The following CTCF variants were observed in gnomAD, a reference collection of about 807,000 sequenced individuals.
CTCF encodes transcriptional repressor CTCF.
A neutral mutation model predicts 72.3 loss-of-function variants in CTCF; 7 were observed. The ratio of observed to expected loss-of-function variants is 0.10; its 90% CI spans 0.06 to 0.18. The LOEUF (loss-of-function observed/expected upper bound fraction) is 0.18. Ranked by LOEUF, CTCF falls within the 10% of genes least tolerant of loss-of-function variation. CTCF has a pLI of 1.00. For missense variants in CTCF, 516 were observed against 949.1 expected (o/e 0.54, Z 6.00); for synonymous variants, 374 against 315.8 (o/e 1.18, Z -1.95).
intron 8 of CTCF, chr16:67,627,639 A>T (rs1422052701): frequency 6.6e-6 from 1 of 151,074 alleles, no homozygotes; most frequent in Non-Finnish European, 1.5e-5. Context: ...TCTCTACTAA[A>T]AAAAAAAAAC....
At chr16:67,623,551 C>T (rs2052233160) in intron 7 of CTCF, 1 of 151,806 alleles carries the variant, frequency 6.6e-6, no homozygotes, top group South Asian at 2.1e-4. Flanking sequence ...GGGAGGATCA[C>T]TTGAGCTTAA....
rs184559737 is a variant in CTCF at position 67,607,736 on chromosome 16, G to A, written c.-9-3088G>A. 5.1e-3 allele frequency among the ~76,000 whole-genome samples: 777 copies of A among 151,984 alleles called. 7 individuals carry two copies. Among genetic ancestry groups the A allele is most frequent in the Non-Finnish European group, 4.7e-3 (317 of 67,954 alleles). On this transcript the variant is annotated intron_variant, in intron 2 of 11. Transcript: ENST00000264010. ...GGCACAGTGCTAAAGAGTAAAAACC[G>A]TGGCTGGGCGTGGTGGCTCACGCCT...
intron 11 of CTCF, 27 bp from the exon 12 acceptor site, chr16:67,637,661 T>G: frequency 6.3e-7 from 1 of 1,590,856 alleles, no homozygotes; most frequent in Non-Finnish European, 8.6e-7. Context: ...ATGGACCATT[T>G]GTTCTGTCTG....
chr16:67,584,065 C>CAGCCTCACTGTGTGT (rs2051626978), intron 2 of CTCF, among the ~76,000 whole-genome samples: 1 of 152,026 alleles, frequency 6.6e-6, no homozygotes, highest in African/African-American at 2.4e-5. Context: ...TCACTGTGTG[C>CAGCCTCACTGTGTGT]AGTCGTTTAA....
intron 2 of CTCF, among the ~76,000 whole-genome samples, chr16:67,601,165 T>C (rs2051880855): frequency 6.6e-6 from 1 of 151,766 alleles, no homozygotes; most frequent in African/African-American, 2.4e-5. Context: ...ACTCCCATCG[T>C]CTGGAAAGAA....
chr16:67,621,840 G>A (rs1221149761), intron 7 of CTCF, among the ~76,000 whole-genome samples: 1 of 147,264 alleles, frequency 6.8e-6, no homozygotes, highest in Admixed American at 6.8e-5. Context: ...ATAAATTAAT[G>A]GGAGCTGTGA....
intron 2 of CTCF, among the ~76,000 whole-genome samples, chr16:67,592,425 G>A (rs892179279): frequency 2.0e-5 from 3 of 151,212 alleles, no homozygotes; most frequent in Non-Finnish European, 4.4e-5. Flanking sequence ...AATAAATAAG[G>A]CCAGGCACAG....
chr16:67,619,730 T>A (rs1452076244), intron 5 of CTCF, among the ~76,000 whole-genome samples: 1 of 152,108 alleles, frequency 6.6e-6, no homozygotes, highest in Non-Finnish European at 1.5e-5. Flanking sequence ...ACTACAGGCA[T>A]GTGCCATCAC....
At chr16:67,632,173 T>G (rs1198480006) in intron 10 of CTCF, among the ~76,000 whole-genome samples, 1 of 152,136 alleles carries the variant, frequency 6.6e-6, no homozygotes, top group Non-Finnish European at 1.5e-5. Flanking sequence ...TCAGATAATC[T>G]TAACCTTGGG....
At chr16:67,604,308 CA>C (rs2051939916) in intron 2 of CTCF, among the ~76,000 whole-genome samples, 2 of 152,034 alleles carry the variant, frequency 1.3e-5, no homozygotes, top group African/African-American at 4.8e-5. Flanking sequence ...GTCTGTGTCT[CA>C]AGCATAACAA....
intron 1 of CTCF, chr16:67,568,139 GCATGTTC>G (rs2051366310): frequency 6.6e-6 from 1 of 151,764 alleles, no homozygotes; most frequent in Admixed American, 6.6e-5. Context: ...GAGTGCAGTG[GCATGTTC>G]TGGGCTCACT....
At chr16:67,600,595 G>T (rs941848368) in intron 2 of CTCF, among the ~76,000 whole-genome samples, 1 of 152,042 alleles carries the variant, frequency 6.6e-6, no homozygotes, top group South Asian at 2.1e-4. Context: ...CCTGTGCTGG[G>T]CTTGAACTCT....
chr16:67,607,545 A>T (rs1313268105), intron 2 of CTCF, among the ~76,000 whole-genome samples: 1 of 151,308 alleles, frequency 6.6e-6, no homozygotes, highest in Non-Finnish European at 1.5e-5. Flanking sequence ...GCCTCAACTG[A>T]TCCACCAGCC....
At chr16:67,562,937 C>T (rs2051296196) in intron 1 of CTCF, among the ~76,000 whole-genome samples, 1 of 145,230 alleles carries the variant, frequency 6.9e-6, no homozygotes, top group Admixed American at 6.8e-5. Context: ...GCCCGCCCGC[C>T]CGCCCGCTAG....
At chr16:67,626,452 CA>C (rs373304235) in intron 7 of CTCF, 102 bp from the exon 8 acceptor site, 64,438 of 374,718 alleles carry the variant, frequency 0.17, 8 homozygotes, top group East Asian at 0.19. Flanking sequence ...GACTCCGTCT[CA>C]AAAAAAAAAA....
intron 1 of CTCF, among the ~76,000 whole-genome samples, chr16:67,566,733 C>G (rs2051348008): frequency 6.6e-6 from 1 of 151,426 alleles, no homozygotes; most frequent in African/African-American, 2.4e-5. Context: ...GCGCCTGCCA[C>G]CACGCCTGGC....
chr16:67,600,714 AGAAG>A (rs1041610272), intron 2 of CTCF, among the ~76,000 whole-genome samples: 1 of 152,182 alleles, frequency 6.6e-6, no homozygotes, highest in Non-Finnish European at 1.5e-5. Context: ...AGCCATATAT[AGAAG>A]TGTATATAAA....
At chr16:67,566,545 A>G (rs1016081466) in intron 1 of CTCF, among the ~76,000 whole-genome samples, 1 of 136,650 alleles carries the variant, frequency 7.3e-6, no homozygotes, top group African/African-American at 2.6e-5. Flanking sequence ...AAAAAAGATT[A>G]GTCTTACCAC....
intron 2 of CTCF, among the ~76,000 whole-genome samples, chr16:67,578,419 A>C (rs568203550): frequency 7.3e-6 from 1 of 137,344 alleles, no homozygotes; most frequent in Non-Finnish European, 1.5e-5. Context: ...TGCAACCTCT[A>C]CCTCCTGAGT....
Sources: gnomAD v4.1 joint callset for allele counts (sites outside exome capture counted in the v4.1 genomes callset) on GRCh38, gnomAD v4.1.1 for gene constraint, MANE v1.5 for transcripts, NCBI Gene and HGNC (gene_info 2026-07-23, HGNC 2026-07-21) for gene names.